The following AKT3 variants were observed in gnomAD, a reference collection of about 807,000 sequenced individuals.
The protein encoded by AKT3 is RAC-gamma serine/threonine-protein kinase.
AKT3 carries 15 observed loss-of-function variants against 65.3 expected under a neutral mutation model. The ratio of observed to expected loss-of-function variants is 0.23; its 90% CI spans 0.15 to 0.35. AKT3 has a LOEUF of 0.35. AKT3 is among the 10% of genes least tolerant of loss of function. The pLI, the probability that AKT3 is intolerant of heterozygous loss-of-function variation, is 1.00. For missense variants in AKT3, 243 were observed against 576.5 expected (o/e 0.42, Z 5.92); for synonymous variants, 206 against 183.8 (o/e 1.12, Z -0.98).
intron 12 of AKT3, among the ~76,000 whole-genome samples, chr1:243,533,764 G>A (rs899087351): frequency 2.6e-5 from 4 of 152,182 alleles, no homozygotes; most frequent in Non-Finnish European, 5.9e-5. Context: ...GCTGAGGTGG[G>A]CGGATCACGA....
At chr1:243,575,250 ACT>A (rs1674855305) in intron 8 of AKT3, among the ~76,000 whole-genome samples, 1 of 151,960 alleles carries the variant, frequency 6.6e-6, no homozygotes, top group Non-Finnish European at 1.5e-5. Context: ...TTGCCTCCTA[ACT>A]CTCTGGCTAA....
At chr1:243,551,767 C>T (rs1201217172) in intron 11 of AKT3, among the ~76,000 whole-genome samples, 1 of 151,944 alleles carries the variant, frequency 6.6e-6, no homozygotes, top group African/African-American at 2.4e-5. Flanking sequence ...TATTAAGAAA[C>T]ATTTTAATAT....
intron 8 of AKT3, among the ~76,000 whole-genome samples, chr1:243,601,104 T>C (rs1676968959): frequency 1.3e-5 from 2 of 152,192 alleles, no homozygotes; most frequent in Non-Finnish European, 2.9e-5. Flanking sequence ...AAAATGCTGA[T>C]TACAATAGAT....
At chr1:243,753,419 A>G (rs1008225599) in intron 2 of AKT3, among the ~76,000 whole-genome samples, 2 of 151,670 alleles carry the variant, frequency 1.3e-5, no homozygotes, top group African/African-American at 4.8e-5. Context: ...TCCCCTAAAC[A>G]TAGTTTCTCA....
intron 4 of AKT3, among the ~76,000 whole-genome samples, chr1:243,649,870 A>G (rs1681171507): frequency 6.6e-6 from 1 of 152,158 alleles, no homozygotes; most frequent in African/African-American, 2.4e-5. Context: ...GCCGCAATAA[A>G]CATACGTGTG....
At chr1:243,492,764 C>T (rs1395985632) in intron 13 of AKT3, among the ~76,000 whole-genome samples, 8 of 151,772 alleles carry the variant, frequency 5.3e-5, no homozygotes, top group East Asian at 3.9e-4. Context: ...CCTGCCACCA[C>T]GCCTGGCTAA....
chr1:243,492,189 C>T (rs891343358), intron 13 of AKT3, among the ~76,000 whole-genome samples: 3 of 151,402 alleles, frequency 2.0e-5, no homozygotes, highest in African/African-American at 7.3e-5. Context: ...GTAGCTGCCA[C>T]ATGGATGCTT....
chr1:243,737,850 TCTAGA>T (rs1054808815), intron 2 of AKT3, among the ~76,000 whole-genome samples: 22 of 152,188 alleles, frequency 1.4e-4, no homozygotes, highest in African/African-American at 4.6e-4. Context: ...ATAAAATTGA[TCTAGA>T]CTAAAGTAGG....
intron 2 of AKT3, among the ~76,000 whole-genome samples, chr1:243,753,056 G>A (rs1688907526): frequency 2.0e-5 from 3 of 152,060 alleles, no homozygotes; most frequent in Admixed American, 1.3e-4. Flanking sequence ...ATCATGTTAT[G>A]CCATTTTGAT....
chr1:243,794,723 C>A (rs745603468), intron 2 of AKT3, among the ~76,000 whole-genome samples: 1 of 152,206 alleles, frequency 6.6e-6, no homozygotes, highest in Non-Finnish European at 1.5e-5. Flanking sequence ...CATTGGTGGA[C>A]AGCCCATTAA....
chr1:243,819,418 C>T (rs1693723796), intron 2 of AKT3, among the ~76,000 whole-genome samples: 1 of 152,226 alleles, frequency 6.6e-6, no homozygotes, highest in African/African-American at 2.4e-5. Flanking sequence ...CTGACCCATC[C>T]CTCCTCACTG....
At chr1:243,647,536 G>C (rs1680913587) in intron 4 of AKT3, among the ~76,000 whole-genome samples, 1 of 152,192 alleles carries the variant, frequency 6.6e-6, no homozygotes, top group South Asian at 2.1e-4. Context: ...TGCTATTGTG[G>C]AGGGTTTTAT....
At chr1:243,660,047 A>G (rs1313819686) in intron 4 of AKT3, among the ~76,000 whole-genome samples, 1 of 151,836 alleles carries the variant, frequency 6.6e-6, no homozygotes, top group Non-Finnish European at 1.5e-5. Flanking sequence ...ATAGTTTCAG[A>G]AGGAATGGTA....
At chr1:243,845,067 A>C (rs1282355865) in intron 1 of AKT3, among the ~76,000 whole-genome samples, 3 of 152,224 alleles carry the variant, frequency 2.0e-5, no homozygotes, top group Admixed American at 1.3e-4. Flanking sequence ...CATAGCAGTT[A>C]AGTTCAGTGT....
chr1:243,672,910 T>C (rs1235488944), intron 3 of AKT3, among the ~76,000 whole-genome samples: 2 of 152,218 alleles, frequency 1.3e-5, no homozygotes, highest in Non-Finnish European at 2.9e-5. Flanking sequence ...TCTGCCTACT[T>C]GAAATTCCAA....
intron 8 of AKT3, among the ~76,000 whole-genome samples, chr1:243,577,424 G>A (rs1323441602): frequency 6.6e-6 from 1 of 152,110 alleles, no homozygotes; most frequent in Non-Finnish European, 1.5e-5. Flanking sequence ...TGGGATTACA[G>A]GCATGAGCCA....
intron 2 of AKT3, among the ~76,000 whole-genome samples, chr1:243,806,419 C>G (rs1692731677): frequency 1.3e-5 from 2 of 152,124 alleles, no homozygotes; most frequent in African/African-American, 4.8e-5. Context: ...CAAGACACTT[C>G]ATATACCTGC....
chr1:243,496,161 T>C (rs1667801760), downstream of AKT3, among the ~76,000 whole-genome samples: 1 of 152,044 alleles, frequency 6.6e-6, no homozygotes, highest in African/African-American at 2.4e-5. Flanking sequence ...GATAGAAAAA[T>C]AAGGCCCAGA....
At chr1:243,761,456 T>G (rs749380028) in intron 2 of AKT3, among the ~76,000 whole-genome samples, 25 of 152,068 alleles carry the variant, frequency 1.6e-4, no homozygotes, top group Admixed American at 3.9e-4. Flanking sequence ...AAAAAATGAA[T>G]GCATTTTCGC....
Sources: gnomAD v4.1 joint callset for allele counts (sites outside exome capture counted in the v4.1 genomes callset) on GRCh38, gnomAD v4.1.1 for gene constraint, MANE v1.5 for transcripts, NCBI Gene and HGNC (gene_info 2026-07-23, HGNC 2026-07-21) for gene names.